ABCA1: variants seen among roughly 807,000 people sequenced by gnomAD.
The protein encoded by ABCA1 is phospholipid-transporting ATPase ABCA1.
A neutral mutation model predicts 262.5 loss-of-function variants in ABCA1; 133 were observed. The ratio of observed to expected loss-of-function variants is 0.51; its 90% CI spans 0.44 to 0.59. The LOEUF (loss-of-function observed/expected upper bound fraction) is 0.59. Among genes scored for constraint, ABCA1 ranks in the 20% least tolerant of loss-of-function variants. The pLI, the probability that ABCA1 is intolerant of heterozygous loss-of-function variation, is 0.00. For missense variants in ABCA1, 2,452 were observed against 2,777.5 expected, an observed-to-expected ratio of 0.88 and a Z score of 2.63; for synonymous variants, 1,022 against 1,043.5, an observed-to-expected ratio of 0.98 and a Z score of 0.40.
chr9:104,890,318 G>A (rs1299415708), intron 2 of ABCA1, among the ~76,000 whole-genome samples: 2 of 152,174 alleles, frequency 1.3e-5, no homozygotes, highest in African/African-American at 4.8e-5. Flanking sequence ...AGTGGCTCAT[G>A]CCTGTAATCC....
At chr9:104,792,535 C>G (rs1429793013) in intron 42 of ABCA1, among the ~76,000 whole-genome samples, 5 of 152,086 alleles carry the variant, frequency 3.3e-5, no homozygotes, top group Non-Finnish European at 7.4e-5. Context: ...GTTTTAATAA[C>G]TAACACATAA....
chr9:104,804,633 CTA>C lies in ABCA1; in HGVS notation c.4550_4551del (p.Ile1517SerfsTer12). On this transcript the variant is annotated frameshift_variant, in exon 32 of 50. Transcript: ENST00000374736. LOFTEE classifies it high-confidence loss of function. ...DYLVKTYVQI[I>X]AKSLKNKIWV... is the part of the protein sequence containing the mutation. Reference sequence around the variant, plus strand: ...AGTTTAGTAAAAAGTCACCTTTTGGCTATGATCTGCACATACGTCTTCACCAG... The same window carrying C: ...AGTTTAGTAAAAAGTCACCTTTTGGCTGATCTGCACATACGTCTTCACCAG... 3.7e-6 allele frequency: 6 copies of C among 1,614,110 alleles called. No homozygotes were observed. The highest frequency in any genetic ancestry group is 5.1e-6 in the Non-Finnish European group (6 of 1,179,934).
chr9:104,846,612 G>C (rs959629297), intron 7 of ABCA1, among the ~76,000 whole-genome samples: 6 of 152,170 alleles, frequency 3.9e-5, no homozygotes, highest in Non-Finnish European at 7.3e-5. Context: ...AGAAGGGATT[G>C]AGTATCATTC....
intron 7 of ABCA1, chr9:104,856,140 C>T: frequency 6.6e-7 from 1 of 1,521,514 alleles, no homozygotes; most frequent in Non-Finnish European, 8.8e-7. Flanking sequence ...AAAAAGGCTG[C>T]TTAATGCAAA....
rs763744498 is a variant in ABCA1, at chr9:104,883,103, G to A, written c.357C>T (p.Asp119=). The change falls in exon 5 of 50, where the codon GAC becomes GAT. Residue 119 remains aspartate, a synonymous_variant. Transcript: ENST00000374736. ...ARRLLLYSQK[D]TSMKDMRKVL... ...CTTTGCGCATGTCCTTCATGCTGGTGTCTTTCTGGCTGTATAAAAGAAGCC... is the reference window on the plus strand; with the variant it reads ...CTTTGCGCATGTCCTTCATGCTGGTATCTTTCTGGCTGTATAAAAGAAGCC... The A allele has an allele frequency of 2.5e-5, 41 of 1,613,738 alleles. 2 individuals are homozygous for A. The South Asian group carries it at 4.5e-4, about 18-fold the overall frequency.
intron 2 of ABCA1, among the ~76,000 whole-genome samples, chr9:104,898,207 C>T (rs1185263116): frequency 6.6e-6 from 1 of 152,146 alleles, no homozygotes; most frequent in East Asian, 1.9e-4. Context: ...CCAAGAGTCA[C>T]CAGACAATGT....
At chr9:104,826,504 A>G (rs774772173) in intron 16 of ABCA1, among the ~76,000 whole-genome samples, 3 of 152,188 alleles carry the variant, frequency 2.0e-5, no homozygotes, top group Non-Finnish European at 2.9e-5. Context: ...AACATTACTC[A>G]AGCAAAACAC....
chr9:104,889,018 T>C (rs944936386), intron 3 of ABCA1, 84 bp downstream of exon 3: 1 of 1,215,708 alleles, frequency 8.2e-7, no homozygotes, highest in African/African-American at 1.5e-5. Context: ...ACAGCATCTT[T>C]GGAAAAGTCC....
rs1215789778 is a variant in ABCA1 at position 104,897,924 on chromosome 9, TC to T, written c.66+5689del. ...GGCCATTAACTTATTAACAATACTC[TC>T]TTCATCTGTGAAACAGAAATTGCAA... On this transcript the variant is annotated intron_variant, in intron 2 of 49. Coordinates refer to ENST00000374736, the MANE Select transcript of ABCA1 (RefSeq NM_005502.4). 2.6e-5 allele frequency among the ~76,000 whole-genome samples: 4 copies of T among 152,304 alleles called. No homozygotes were observed. In the East Asian group the frequency reaches 7.7e-4, roughly 29 times the overall value.
At chr9:104,925,216 AAAATGC>A (rs1267045866) in intron 1 of ABCA1, among the ~76,000 whole-genome samples, 7 of 152,154 alleles carry the variant, frequency 4.6e-5, no homozygotes, top group African/African-American at 1.4e-4. Context: ...GTCTCTACTG[AAAATGC>A]AAAAACTAGC....
At chr9:104,926,083 C>A (rs1038470342) in intron 1 of ABCA1, among the ~76,000 whole-genome samples, 1 of 151,784 alleles carries the variant, frequency 6.6e-6, no homozygotes, top group Admixed American at 6.6e-5. Flanking sequence ...TTGTGAGGTT[C>A]TCTTCGTGGG....
chr9:104,827,187 C>T lies in ABCA1; in HGVS notation c.2116-18G>A, dbSNP rs1222732440. The T allele has an allele frequency of 1.9e-6, 3 of 1,601,158 alleles. No individual in the cohort carries two copies. The highest frequency in any genetic ancestry group is 2.6e-6 in the Non-Finnish European group (3 of 1,168,722). On this transcript the variant is annotated intron_variant, in intron 15 of 49. Coordinates refer to ENST00000374736, the MANE Select transcript of ABCA1 (RefSeq NM_005502.4). ...TTTCCTAACTGGGAAGGAAGAGACA[C>T]ATCAAATGTGCTGCCTCAACAATCC...
At chr9:104,830,542 C>T (rs1201210950) in intron 14 of ABCA1, among the ~76,000 whole-genome samples, 1 of 151,860 alleles carries the variant, frequency 6.6e-6, no homozygotes, top group East Asian at 1.9e-4. Context: ...TACAAAAAGT[C>T]AGCCGGGCGT....
chr9:104,895,255 G>A (rs535125177), intron 2 of ABCA1, among the ~76,000 whole-genome samples: 46 of 152,306 alleles, frequency 3.0e-4, no homozygotes, highest in African/African-American at 9.9e-4. Flanking sequence ...CAAGAGTACC[G>A]AAGCACCACT....
chr9:104,884,698 T>A, intron 3 of ABCA1, 130 bp from the exon 4 acceptor site: 1 of 1,099,450 alleles, frequency 9.1e-7, no homozygotes. Flanking sequence ...GAGACCTGTC[T>A]CTTCTGAATA....
rs183043192 is a variant in ABCA1, at chr9:104,812,625, C to A, written c.3999G>T (p.Leu1333Phe). 1 of 1,614,232 alleles carries A rather than the reference C, an allele frequency of 6.2e-7. No individual in the cohort carries two copies. Among genetic ancestry groups the A allele is most frequent in the East Asian group, 2.2e-5 (1 of 44,876 alleles). ...GTCTGGCAATTAGCAGTCTCTTCCA[C>A]AAAAGGGCCACAAACTGTTGCTGTG... is the stretch of plus-strand genomic sequence containing the variant. ...KLTQQQFVALLWKRLLIARRS... is the reference protein window; with the variant it reads ...KLTQQQFVALFWKRLLIARRS... The change falls in exon 28 of 50, where the codon TTG (leucine) becomes TTT (phenylalanine). Residue 1333 changes from leucine (L) to phenylalanine (F), a missense_variant. This residue lies in a region of ABCA1 where 665 missense variants were observed against 727.3 expected (regional missense o/e 0.91). Transcript: ENST00000374736.
At chr9:104,815,838 A>C (rs1255386215) in intron 25 of ABCA1, among the ~76,000 whole-genome samples, 1 of 152,172 alleles carries the variant, frequency 6.6e-6, no homozygotes, top group Non-Finnish European at 1.5e-5. Flanking sequence ...TACTTAAGTA[A>C]AGAGGCTCAT....
At chr9:104,835,472 G>A (rs1392415126) in intron 11 of ABCA1, among the ~76,000 whole-genome samples, 1 of 152,038 alleles carries the variant, frequency 6.6e-6, no homozygotes, top group Non-Finnish European at 1.5e-5. Flanking sequence ...TCACTGCTCT[G>A]CCACTAAGCA....
chr9:104,789,080 G>A (rs1829182868), intron 44 of ABCA1, among the ~76,000 whole-genome samples: 1 of 152,202 alleles, frequency 6.6e-6, no homozygotes, highest in Non-Finnish European at 1.5e-5. Flanking sequence ...GAAGTTCAGT[G>A]TTCACGTTCC....
Sources: gnomAD v4.1 joint callset for allele counts (sites outside exome capture counted in the v4.1 genomes callset) on GRCh38, gnomAD v4.1.1 for gene constraint, gnomAD v4.1.1 regional missense constraint, MANE v1.5 for transcripts, NCBI Gene and HGNC (gene_info 2026-07-23, HGNC 2026-07-21) for gene names.